CERT1: variants seen among roughly 807,000 people sequenced by gnomAD.
The protein encoded by CERT1 is ceramide transfer protein.
A neutral mutation model predicts 87.9 loss-of-function variants in CERT1; 31 were observed. The ratio of observed to expected loss-of-function variants is 0.35; its 90% confidence interval spans 0.27 to 0.48. The LOEUF is 0.48. Ranked by LOEUF, CERT1 falls within the 20% of genes least tolerant of loss-of-function variation. The pLI is 0.99. For synonymous variants in CERT1, 289 were observed against 250.9 expected (o/e 1.15, Z -1.44); for missense variants, 487 against 758.0 (o/e 0.64, Z 4.20).
At chr5:75,414,838 C>G (rs1297586909) in intron 7 of CERT1, among the ~76,000 whole-genome samples, 1 of 152,088 alleles carries the variant, frequency 6.6e-6, no homozygotes, top group Non-Finnish European at 1.5e-5. Flanking sequence ...GAGACTATTT[C>G]CTGCTCATCA....
intron 8 of CERT1, among the ~76,000 whole-genome samples, chr5:75,409,745 T>G (rs1030473189): frequency 6.6e-6 from 1 of 151,788 alleles, no homozygotes; most frequent in East Asian, 1.9e-4. Context: ...GCCAGGCTGG[T>G]CTCGAGCTCT....
At chr5:75,472,397 A>G (rs1765755779) in intron 2 of CERT1, among the ~76,000 whole-genome samples, 1 of 152,254 alleles carries the variant, frequency 6.6e-6, no homozygotes, top group Non-Finnish European at 1.5e-5. Context: ...CCTCAAAAGC[A>G]TAGGCAACAA....
intron 3 of CERT1, among the ~76,000 whole-genome samples, chr5:75,438,408 A>G (rs1416784890): frequency 6.6e-6 from 1 of 152,198 alleles, no homozygotes; most frequent in African/African-American, 2.4e-5. Context: ...GGGTTAAGGA[A>G]GTAAGGATGA....
At chr5:75,462,203 G>T (rs1765260821) in intron 2 of CERT1, among the ~76,000 whole-genome samples, 1 of 152,066 alleles carries the variant, frequency 6.6e-6, no homozygotes, top group African/African-American at 2.4e-5. Context: ...AAATTAGATG[G>T]AAAACATTGA....
At chr5:75,443,051 G>A (rs1427411498) in intron 3 of CERT1, among the ~76,000 whole-genome samples, 2 of 152,054 alleles carry the variant, frequency 1.3e-5, no homozygotes, top group Non-Finnish European at 2.9e-5. Context: ...GAATAAGGTA[G>A]GACTGCTATA....
intron 2 of CERT1, among the ~76,000 whole-genome samples, chr5:75,469,162 A>G (rs1318459274): frequency 3.3e-5 from 5 of 152,226 alleles, no homozygotes; most frequent in Admixed American, 1.3e-4. Context: ...TGAAAAATAC[A>G]ATGAATAAAA....
chr5:75,454,160 T>A (rs1730679686), intron 3 of CERT1, among the ~76,000 whole-genome samples: 1 of 152,164 alleles, frequency 6.6e-6, no homozygotes, highest in African/African-American at 2.4e-5. Flanking sequence ...GGATAGGTTA[T>A]TTTGTTGCTT....
chr5:75,500,617 C>T (rs1187007152), intron 2 of CERT1, among the ~76,000 whole-genome samples: 1 of 152,142 alleles, frequency 6.6e-6, no homozygotes, highest in Non-Finnish European at 1.5e-5. Flanking sequence ...GACAAATGCT[C>T]CTCCAATGAG....
chr5:75,462,561 C>A (rs1339405651), intron 2 of CERT1, among the ~76,000 whole-genome samples: 2 of 151,946 alleles, frequency 1.3e-5, no homozygotes, highest in Non-Finnish European at 1.5e-5. Flanking sequence ...GTCTGTGGCC[C>A]AGGGTTTGAG....
At chr5:75,474,512 T>C (rs187759932) in intron 2 of CERT1, among the ~76,000 whole-genome samples, 203 of 152,194 alleles carry the variant, frequency 1.3e-3, no homozygotes, top group African/African-American at 4.8e-3. Context: ...GGAAGTCAGT[T>C]AAAAATAAAT....
chr5:75,504,007 T>A (rs2112468857), intron 2 of CERT1, among the ~76,000 whole-genome samples: 1 of 113,286 alleles, frequency 8.8e-6, no homozygotes, highest in South Asian at 3.0e-4. Flanking sequence ...GAAACTAGCA[T>A]GGTACTCTAG....
chr5:75,420,396 TGCAGTGGC>T (rs1419171650), intron 5 of CERT1, among the ~76,000 whole-genome samples: 2 of 149,932 alleles, frequency 1.3e-5, no homozygotes, highest in Non-Finnish European at 3.0e-5. Flanking sequence ...CAGGCTGGAG[TGCAGTGGC>T]GCGATCTCGG....
At chr5:75,372,906 T>C (rs555115629), downstream of CERT1, 10 of 152,370 alleles carry the variant, frequency 6.6e-5, no homozygotes, top group South Asian at 1.4e-3. Context: ...TGCCTCTGAT[T>C]TGTATAAATA....
intron 12 of CERT1, among the ~76,000 whole-genome samples, chr5:75,389,240 C>T (rs546989679): frequency 6.6e-6 from 1 of 152,192 alleles, no homozygotes; most frequent in Non-Finnish European, 1.5e-5. Context: ...CTAGGCACAA[C>T]ATTCAGTATG....
intron 2 of CERT1, among the ~76,000 whole-genome samples, chr5:75,492,251 G>T (rs778614703): frequency 6.6e-6 from 1 of 152,150 alleles, no homozygotes; most frequent in Non-Finnish European, 1.5e-5. Flanking sequence ...TGTAGTCCCA[G>T]CTACTACGGA....
intron 11 of CERT1, among the ~76,000 whole-genome samples, chr5:75,392,885 G>A (rs1289160042): frequency 1.4e-5 from 2 of 144,592 alleles, no homozygotes; most frequent in Non-Finnish European, 3.0e-5. Context: ...AAGGAGAATA[G>A]CGTGAACCTG....
At chr5:75,501,421 T>C (rs1448823805) in intron 2 of CERT1, among the ~76,000 whole-genome samples, 2 of 152,192 alleles carry the variant, frequency 1.3e-5, no homozygotes, top group African/African-American at 4.8e-5. Context: ...TTTTAAAAGT[T>C]CAACAAGATA....
In CERT1 at chr5:75,511,506, C is replaced by T. The variant is rs948999326; in HGVS notation, c.-299G>A. ...GGCGCTGCCACCCGAACTTAGCCCC[C>T]TCGATGCCAATTTCAAATAGGGAAG... On this transcript the variant is annotated 5_prime_UTR_variant, in exon 1 of 17. Coordinates refer to ENST00000643780, the MANE Select transcript of CERT1 (RefSeq NM_001379029.1). The T allele has an allele frequency of 2.7e-6, 4 of 1,479,024 alleles. No homozygotes were observed. The African/African-American group carries it at 4.2e-5, about 16-fold the overall frequency. The allele number at this position is 1,479,024 out of a possible 1,614,324, so 91.6% of individuals were successfully genotyped here. A position where few individuals can be genotyped will look rare whatever the true frequency, so the allele number is the denominator to read the frequency against.
chr5:75,427,634 T>C (rs897725604), intron 3 of CERT1, among the ~76,000 whole-genome samples: 1 of 152,182 alleles, frequency 6.6e-6, no homozygotes, highest in African/African-American at 2.4e-5. Context: ...TATGCTTGTG[T>C]GGAAAAACCA....
Sources: gnomAD v4.1 joint callset for allele counts (sites outside exome capture counted in the v4.1 genomes callset) on GRCh38, gnomAD v4.1.1 for gene constraint, MANE v1.5 for transcripts, NCBI Gene and HGNC (gene_info 2026-07-23, HGNC 2026-07-21) for gene names.